CNTN4: variants seen among roughly 807,000 people sequenced by gnomAD.
CNTN4 encodes the protein contactin 4.
Under a neutral mutation model 122.5 loss-of-function variants are expected in CNTN4, and 77 were observed. The observed-to-expected ratio is 0.63, with a 90% CI of 0.52 to 0.76. The LOEUF (loss-of-function observed/expected upper bound fraction) is 0.76, where lower values mean the gene tolerates loss of function less well. Among genes scored for constraint, CNTN4 ranks in the 30% least tolerant of loss-of-function variants. The pLI, the probability that CNTN4 is intolerant of heterozygous loss-of-function variation, is 0.00. For synonymous variants in CNTN4, 512 were observed against 447.0 expected, an observed-to-expected ratio of 1.15 and a Z score of -1.83; for missense variants, 1,256 against 1,259.1, an observed-to-expected ratio of 1.00 and a Z score of 0.04.
At chr3:2,871,201 C>T (rs765558786) in intron 8 of CNTN4, among the ~76,000 whole-genome samples, 34 of 152,146 alleles carry the variant, frequency 2.2e-4, no homozygotes, top group Non-Finnish European at 4.9e-4. Flanking sequence ...GTTTTCTCAT[C>T]AGTAAGATAA....
chr3:2,155,100 A>AT (rs931171469), intron 2 of CNTN4, among the ~76,000 whole-genome samples: 1 of 152,210 alleles, frequency 6.6e-6, no homozygotes, highest in African/African-American at 2.4e-5. Flanking sequence ...CCCCTGAAAG[A>AT]TTTGTTTCCA....
intron 3 of CNTN4, among the ~76,000 whole-genome samples, chr3:2,448,050 A>G (rs1182697068): frequency 1.3e-5 from 2 of 152,204 alleles, no homozygotes; most frequent in African/African-American, 4.8e-5. Flanking sequence ...ATTAACTGAG[A>G]GAAAATTTTG....
chr3:2,319,616 A>G (rs1379628879), intron 2 of CNTN4, among the ~76,000 whole-genome samples: 2 of 152,124 alleles, frequency 1.3e-5, no homozygotes, highest in African/African-American at 2.4e-5. Context: ...CCTCTTTCTT[A>G]TGATTTTCTT....
intron 3 of CNTN4, among the ~76,000 whole-genome samples, chr3:2,344,228 T>C (rs1222916376): frequency 6.6e-6 from 1 of 151,832 alleles, no homozygotes; most frequent in Non-Finnish European, 1.5e-5. Context: ...ACACACTGCC[T>C]TCCTGAGAGT....
intron 10 of CNTN4, among the ~76,000 whole-genome samples, chr3:2,887,554 T>C (rs2093992876): frequency 6.6e-6 from 1 of 152,072 alleles, no homozygotes; most frequent in South Asian, 2.1e-4. Flanking sequence ...TTATTCCTAC[T>C]CCTGATTTAT....
intron 2 of CNTN4, among the ~76,000 whole-genome samples, chr3:2,137,263 C>T (rs1017008097): frequency 3.3e-5 from 5 of 152,118 alleles, no homozygotes; most frequent in African/African-American, 1.2e-4. Flanking sequence ...TTTCATATTG[C>T]TCTACTTAAG....
intron 3 of CNTN4, among the ~76,000 whole-genome samples, chr3:2,463,658 C>CTTA (rs2075398298): frequency 6.6e-6 from 1 of 152,084 alleles, no homozygotes; most frequent in South Asian, 2.1e-4. Context: ...ACTTGGGAAG[C>CTTA]TGAGGCAGGA....
intron 4 of CNTN4, among the ~76,000 whole-genome samples, chr3:2,617,577 T>G (rs1282835176): frequency 6.6e-6 from 1 of 151,986 alleles, no homozygotes; most frequent in African/African-American, 2.4e-5. Context: ...CACGCCACCA[T>G]GACCAGCTAA....
At chr3:2,454,060 A>G (rs1293891419) in intron 3 of CNTN4, among the ~76,000 whole-genome samples, 2 of 141,760 alleles carry the variant, frequency 1.4e-5, no homozygotes, top group African/African-American at 5.3e-5. Context: ...GCCCCATATT[A>G]TAAGCAAAGA....
chr3:2,588,421 C>T (rs1442381013), intron 4 of CNTN4, among the ~76,000 whole-genome samples: 1 of 152,096 alleles, frequency 6.6e-6, no homozygotes, highest in Non-Finnish European at 1.5e-5. Context: ...GGCTGGAGTG[C>T]AGTGGTGTGA....
At chr3:2,459,190 T>G (rs1346706522) in intron 3 of CNTN4, among the ~76,000 whole-genome samples, 3 of 152,154 alleles carry the variant, frequency 2.0e-5, no homozygotes, top group Non-Finnish European at 2.9e-5. Context: ...TGTTAACACT[T>G]TCCTAGGAAG....
intron 2 of CNTN4, among the ~76,000 whole-genome samples, chr3:2,131,811 G>C (rs551577304): frequency 6.6e-6 from 1 of 152,260 alleles, no homozygotes. Context: ...TCCTGTGGCA[G>C]TTCAGACACT....
intron 4 of CNTN4, among the ~76,000 whole-genome samples, chr3:2,665,858 G>A (rs1244536986): frequency 1.3e-5 from 2 of 152,142 alleles, no homozygotes; most frequent in East Asian, 1.9e-4. Context: ...GCTTACCAAC[G>A]TGGCGTGTGG....
chr3:2,982,858 C>T (rs77003523), intron 13 of CNTN4, among the ~76,000 whole-genome samples: 10,486 of 152,030 alleles, frequency 0.069, 999 homozygotes, highest in African/African-American at 0.21. Flanking sequence ...ATATAATCAT[C>T]AAAAGTAATG....
intron 3 of CNTN4, among the ~76,000 whole-genome samples, chr3:2,415,208 C>G (rs1384324030): frequency 6.6e-6 from 1 of 152,182 alleles, no homozygotes; most frequent in African/African-American, 2.4e-5. Flanking sequence ...AAACCAGTGT[C>G]TATTATGTGG....
chr3:2,886,501 G>T (rs2151009382), intron 9 of CNTN4, among the ~76,000 whole-genome samples: 1 of 148,656 alleles, frequency 6.7e-6, no homozygotes, highest in African/African-American at 2.5e-5. Flanking sequence ...ATATTGTATA[G>T]GAGATAGATC....
intron 10 of CNTN4, 124 bp downstream of exon 10, chr3:2,887,348 A>T: frequency 1.2e-4 from 98 of 815,954 alleles, no homozygotes; most frequent in Middle Eastern, 3.4e-4. Flanking sequence ...TGTGAAACTC[A>T]TGGTTTGCTC....
intron 9 of CNTN4, 45 bp from the exon 10 acceptor site, chr3:2,886,995 C>T (rs928291741): frequency 1.9e-6 from 3 of 1,551,330 alleles, no homozygotes; most frequent in Non-Finnish European, 2.7e-6. Context: ...ATAAAAGGTC[C>T]AGTTTTCTCT....
chr3:2,548,317 T>G (rs2078333253), intron 3 of CNTN4, among the ~76,000 whole-genome samples: 1 of 152,196 alleles, frequency 6.6e-6, no homozygotes, highest in African/African-American at 2.4e-5. Flanking sequence ...GGTCTTACAT[T>G]TAAGTCTTTA....
Sources: gnomAD v4.1 joint callset for allele counts (sites outside exome capture counted in the v4.1 genomes callset) on GRCh38, gnomAD v4.1.1 for gene constraint, MANE v1.5 for transcripts, NCBI Gene and HGNC (gene_info 2026-07-23, HGNC 2026-07-21) for gene names.